RALYL: variants seen among roughly 807,000 people sequenced by gnomAD.
The protein encoded by RALYL is RALY RNA binding protein like, also known as RNA-binding Raly-like protein.
A neutral mutation model predicts 35.1 loss-of-function variants in RALYL; 29 were observed. The ratio of observed to expected loss-of-function variants is 0.83; its 90% CI spans 0.61 to 1.13. The LOEUF (loss-of-function observed/expected upper bound fraction) is 1.13. Ranked by LOEUF, RALYL falls within the 50% of genes most tolerant of loss-of-function variation. The pLI, the probability that RALYL is intolerant of heterozygous loss-of-function variation, is 0.00. For synonymous variants in RALYL, 120 were observed against 127.6 expected (o/e 0.94, Z 0.40); for missense variants, 359 against 360.4 (o/e 1.00, Z 0.03).
Position 84,459,429 on chromosome 8 carries a change from A to G in RALYL, c.-23-69870A>G, listed in dbSNP as rs1054634157. ...AATTGTGTGGGAGTGTAAACTGCAA[A>G]TAAAAGTAAACAAACATAAAATGGG... On this transcript the variant is annotated intron_variant, in intron 1 of 8. Transcript: ENST00000521268. Among the ~76,000 whole-genome samples the G allele has an allele frequency of 2.0e-5, 3 of 151,998 alleles. 1 individual carries two copies. The East Asian group carries it at 5.8e-4, about 30-fold the overall frequency.
At chr8:84,294,064 G>A (rs1839302865) in intron 1 of RALYL, among the ~76,000 whole-genome samples, 1 of 151,726 alleles carries the variant, frequency 6.6e-6, no homozygotes, top group Non-Finnish European at 1.5e-5. Flanking sequence ...AGAACTGTAG[G>A]GTTTTCCCTC....
intron 2 of RALYL, among the ~76,000 whole-genome samples, chr8:84,563,068 T>C (rs1221504965): frequency 6.6e-6 from 1 of 151,856 alleles, no homozygotes; most frequent in African/African-American, 2.4e-5. Context: ...TTGTAACAGA[T>C]GAACTGCACA....
chr8:84,371,379 C>CA lies in RALYL; in HGVS notation c.-23-157913dup, dbSNP rs1358481872. Among the ~76,000 whole-genome samples, 4 of 151,862 alleles carry CA rather than the reference C, an allele frequency of 2.6e-5. No homozygotes were observed. In the East Asian group the frequency reaches 7.8e-4, roughly 29 times the overall value. ...TGCGTCTCTCACTCTTTCTCCGTCA[C>CA]AAAAAAAGCCACAACAAAAAACTAC... On this transcript the variant is annotated intron_variant, in intron 1 of 8. Coordinates refer to ENST00000521268, the MANE Select transcript of RALYL (RefSeq NM_173848.7).
chr8:84,639,212 G>A (rs531654809), intron 2 of RALYL, among the ~76,000 whole-genome samples: 1 of 151,586 alleles, frequency 6.6e-6, no homozygotes, highest in Admixed American at 6.6e-5. Flanking sequence ...GGGCTGTGGG[G>A]CAGTTAACTT....
At chr8:84,898,730 A>T (rs1258498770) in intron 8 of RALYL, among the ~76,000 whole-genome samples, 2 of 152,188 alleles carry the variant, frequency 1.3e-5, no homozygotes, top group African/African-American at 2.4e-5. Flanking sequence ...CTGAAGGGTA[A>T]GGGTGAGGGT....
At chr8:84,359,205 C>T (rs1037841907) in intron 1 of RALYL, among the ~76,000 whole-genome samples, 7 of 149,852 alleles carry the variant, frequency 4.7e-5, no homozygotes, top group African/African-American at 1.7e-4. Flanking sequence ...TTTGGAGGGA[C>T]TTTGAACTAT....
intron 1 of RALYL, among the ~76,000 whole-genome samples, chr8:84,227,056 CTTT>C (rs1158995864): frequency 2.7e-4 from 22 of 81,892 alleles, no homozygotes; most frequent in African/African-American, 9.3e-4. Context: ...AATTGTATTT[CTTT>C]TTTTTTTTTT....
At chr8:84,600,810 T>C (rs1168780751) in intron 2 of RALYL, among the ~76,000 whole-genome samples, 1 of 152,126 alleles carries the variant, frequency 6.6e-6, no homozygotes, top group Non-Finnish European at 1.5e-5. Context: ...GACAGTGTGG[T>C]ATTAGAAATA....
intron 8 of RALYL, among the ~76,000 whole-genome samples, chr8:84,920,543 C>T (rs1849154203): frequency 6.6e-6 from 1 of 151,950 alleles, no homozygotes; most frequent in African/African-American, 2.4e-5. Context: ...TTGTTAGGGG[C>T]ACAACAAAGA....
At chr8:84,682,331 G>T (rs1326948688) in intron 2 of RALYL, among the ~76,000 whole-genome samples, 2 of 152,126 alleles carry the variant, frequency 1.3e-5, no homozygotes, top group African/African-American at 4.8e-5. Context: ...CCAGGCTTTG[G>T]TATCAGGATG....
chr8:84,467,288 A>C (rs550927557), intron 1 of RALYL, among the ~76,000 whole-genome samples: 1 of 151,618 alleles, frequency 6.6e-6, no homozygotes, highest in African/African-American at 2.4e-5. Context: ...TTAGTGCTAT[A>C]AATTTCCCTC....
At chr8:84,347,550 G>C (rs990857197) in intron 1 of RALYL, among the ~76,000 whole-genome samples, 4 of 151,950 alleles carry the variant, frequency 2.6e-5, no homozygotes. Flanking sequence ...TGGTTAGTTA[G>C]GATCTCTTCC....
intron 1 of RALYL, among the ~76,000 whole-genome samples, chr8:84,197,847 A>C (rs1815758187): frequency 6.6e-6 from 1 of 151,228 alleles, no homozygotes. Flanking sequence ...ATTTTATTTC[A>C]CTCTTTTTTG....
rs537714576 is a variant in RALYL, at chr8:84,757,408, T to G, written c.257-17171T>G. Among the ~76,000 whole-genome samples the G allele has an allele frequency of 2.0e-5, 3 of 152,294 alleles. No homozygotes were observed. In the South Asian group the frequency reaches 6.2e-4, roughly 32 times the overall value. On this transcript the variant is annotated intron_variant, in intron 2 of 8. Coordinates refer to ENST00000521268, the MANE Select transcript of RALYL (RefSeq NM_173848.7). ...CTGTTGCAACATTTCGGTACAGACATTCATTCAAATTCTTGGGAAAAAACT... is the reference window on the plus strand; with the variant it reads ...CTGTTGCAACATTTCGGTACAGACAGTCATTCAAATTCTTGGGAAAAAACT...
At chr8:84,187,077 G>C (rs1812720549) in intron 1 of RALYL, among the ~76,000 whole-genome samples, 1 of 152,084 alleles carries the variant, frequency 6.6e-6, no homozygotes, top group South Asian at 2.1e-4. Flanking sequence ...AATGAGAGAG[G>C]GTTTCCAAGG....
chr8:84,833,576 T>TGCA (rs1363536563), intron 4 of RALYL, among the ~76,000 whole-genome samples: 2 of 149,320 alleles, frequency 1.3e-5, no homozygotes, highest in African/African-American at 5.0e-5. Flanking sequence ...AGGCGGAGGT[T>TGCA]GCAGTGAGCT....
chr8:84,311,053 CAAAAAAAAAAAAAAAAAAAAAA>C (rs34029529), intron 1 of RALYL, among the ~76,000 whole-genome samples: 10 of 9,532 alleles, frequency 1.0e-3, no homozygotes, highest in South Asian at 7.9e-3. Context: ...GACTCCGTCT[CAAAAAAAAAAAAAAAAAAAAAA>C]AAAAAAAAAA....
chr8:84,190,159 T>C (rs570798918), intron 1 of RALYL, among the ~76,000 whole-genome samples: 1 of 152,326 alleles, frequency 6.6e-6, no homozygotes, highest in Admixed American at 6.5e-5. Flanking sequence ...CAAGGAAAGC[T>C]GAACAGCTAA....
intron 2 of RALYL, among the ~76,000 whole-genome samples, chr8:84,619,701 C>T (rs535342339): frequency 2.6e-5 from 4 of 151,522 alleles, no homozygotes; most frequent in African/African-American, 9.8e-5. Flanking sequence ...ATGGTCTTTA[C>T]ATTTTGGCAT....
Sources: gnomAD v4.1 joint callset for allele counts (sites outside exome capture counted in the v4.1 genomes callset) on GRCh38, gnomAD v4.1.1 for gene constraint, MANE v1.5 for transcripts, NCBI Gene and HGNC (gene_info 2026-07-23, HGNC 2026-07-21) for gene names.